Variants in NPAS3 observed in about 807,000 individuals in gnomAD.
The protein encoded by NPAS3 is neuronal PAS domain-containing protein 3.
NPAS3 carries 14 observed loss-of-function variants against 73.1 expected under a neutral mutation model. That is an observed-to-expected ratio of 0.19 (90% CI 0.13 to 0.30). The LOEUF (loss-of-function observed/expected upper bound fraction) is 0.30, where lower values mean the gene tolerates loss of function less well. Among genes scored for constraint, NPAS3 ranks in the 10% least tolerant of loss-of-function variants. The pLI, the probability that NPAS3 is intolerant of heterozygous loss-of-function variation, is 1.00. For missense variants in NPAS3, 1,096 were observed against 1,250.0 expected, an observed-to-expected ratio of 0.88 and a Z score of 1.86; for synonymous variants, 620 against 541.5, an observed-to-expected ratio of 1.14 and a Z score of -2.01.
intron 4 of NPAS3, among the ~76,000 whole-genome samples, chr14:33,530,783 G>A (rs1182564062): frequency 6.6e-6 from 1 of 151,942 alleles, no homozygotes; most frequent in Non-Finnish European, 1.5e-5. Context: ...GGGATGGGAG[G>A]GTGGGAAAAG....
chr14:33,130,911 T>A (rs543310660), intron 2 of NPAS3, among the ~76,000 whole-genome samples: 11 of 152,268 alleles, frequency 7.2e-5, no homozygotes, highest in African/African-American at 2.4e-4. Flanking sequence ...TAAGAAACCT[T>A]CAATTTTTCA....
chr14:33,217,027 A>G (rs79534044), intron 3 of NPAS3, among the ~76,000 whole-genome samples: 10 of 152,236 alleles, frequency 6.6e-5, no homozygotes, highest in Non-Finnish European at 1.5e-4. Context: ...ATTGACACAC[A>G]GTTCCGCATG....
In NPAS3 at chr14:33,544,789, T is replaced by TATATATATATATATATATATATAC. The variant is rs1555409902; in HGVS notation, c.469-15310_469-15309insACATATATATATATATATATATAT. Among the ~76,000 whole-genome samples, 58 of 77,648 alleles carry TATATATATATATATATATATATAC rather than the reference T, an allele frequency of 7.5e-4. 2 individuals are homozygous for TATATATATATATATATATATATAC. Among genetic ancestry groups the TATATATATATATATATATATATAC allele is most frequent in the African/African-American group, 3.5e-3 (52 of 14,732 alleles). 50.9% of individuals were successfully genotyped at this position (77,648 alleles called of 152,430 possible). On this transcript the variant is annotated intron_variant, in intron 4 of 11. Coordinates refer to ENST00000356141, the Ensembl canonical transcript of NPAS3. ...CATGTATGTGTTTATGTGTGTGTAT[T>TATATATATATATATATATATATAC]ATATATATATATATATATATATGTA...
At chr14:33,665,875 C>T (rs1236415021) in intron 5 of NPAS3, among the ~76,000 whole-genome samples, 1 of 151,886 alleles carries the variant, frequency 6.6e-6, no homozygotes, top group African/African-American at 2.4e-5. Context: ...AAAAATCGTC[C>T]ACCATAAACT....
At chr14:33,352,602 G>A (rs1413227166) in intron 3 of NPAS3, among the ~76,000 whole-genome samples, 1 of 152,138 alleles carries the variant, frequency 6.6e-6, no homozygotes, top group Non-Finnish European at 1.5e-5. Flanking sequence ...AGAAATAAAT[G>A]TTTCTGACTC....
chr14:33,148,361 C>G (rs2044322101), intron 2 of NPAS3, among the ~76,000 whole-genome samples: 1 of 151,880 alleles, frequency 6.6e-6, no homozygotes, highest in African/African-American at 2.4e-5. Flanking sequence ...TATTATAAGC[C>G]AACATTACAA....
chr14:33,187,684 G>A (rs2046029275), intron 2 of NPAS3, among the ~76,000 whole-genome samples: 1 of 152,100 alleles, frequency 6.6e-6, no homozygotes, highest in Non-Finnish European at 1.5e-5. Flanking sequence ...TGCAACCTGG[G>A]CAACATAGTG....
chr14:32,972,627 C>G (rs948162834), intron 1 of NPAS3, among the ~76,000 whole-genome samples: 1 of 152,206 alleles, frequency 6.6e-6, no homozygotes, highest in Non-Finnish European at 1.5e-5. Flanking sequence ...CCCCTGCTCA[C>G]CCATTGCTCT....
At chr14:33,518,935 TAATA>T (rs1355252081) in intron 4 of NPAS3, among the ~76,000 whole-genome samples, 2 of 152,154 alleles carry the variant, frequency 1.3e-5, no homozygotes, top group African/African-American at 4.8e-5. Flanking sequence ...TAAACATTTT[TAATA>T]AATAAAGGAA....
intron 2 of NPAS3, among the ~76,000 whole-genome samples, chr14:33,165,419 A>G (rs2045094188): frequency 6.6e-6 from 1 of 152,022 alleles, no homozygotes. Context: ...TGGGGACTAC[A>G]GAGAATTCGT....
At chr14:33,154,607 A>G (rs1490908253) in intron 2 of NPAS3, among the ~76,000 whole-genome samples, 1 of 152,204 alleles carries the variant, frequency 6.6e-6, no homozygotes. Flanking sequence ...TCTTTTCAAG[A>G]TGCTAAGGAT....
chr14:33,591,659 A>G (rs150937773), intron 5 of NPAS3, among the ~76,000 whole-genome samples: 8 of 152,200 alleles, frequency 5.3e-5, no homozygotes, highest in South Asian at 2.1e-4. Flanking sequence ...TGTGTAGGAA[A>G]TTTTCCATCT....
intron 3 of NPAS3, among the ~76,000 whole-genome samples, chr14:33,235,741 A>G (rs2048009352): frequency 6.6e-6 from 1 of 151,458 alleles, no homozygotes; most frequent in South Asian, 2.1e-4. Context: ...CACAGAACCA[A>G]ATGAATCTTT....
At chr14:33,444,024 T>C (rs1295763192) in intron 4 of NPAS3, among the ~76,000 whole-genome samples, 1 of 152,232 alleles carries the variant, frequency 6.6e-6, no homozygotes, top group East Asian at 1.9e-4. Flanking sequence ...AACTATTTAA[T>C]TTGGTACATT....
chr14:32,996,717 T>G (rs1375250462), intron 1 of NPAS3, among the ~76,000 whole-genome samples: 1 of 152,192 alleles, frequency 6.6e-6, no homozygotes, highest in East Asian at 1.9e-4. Context: ...AATCTCCATC[T>G]AGATTTCAGA....
intron 2 of NPAS3, among the ~76,000 whole-genome samples, chr14:33,066,683 G>T (rs1310467972): frequency 6.6e-6 from 1 of 152,178 alleles, no homozygotes; most frequent in Non-Finnish European, 1.5e-5. Context: ...CTGAAACAGA[G>T]ACAGGAGAAT....
At chr14:33,477,933 A>T (rs1218469028) in intron 4 of NPAS3, among the ~76,000 whole-genome samples, 1 of 152,072 alleles carries the variant, frequency 6.6e-6, no homozygotes, top group African/African-American at 2.4e-5. Context: ...GTGCTCCCCA[A>T]ACCTTGCTGT....
intron 5 of NPAS3, among the ~76,000 whole-genome samples, chr14:33,652,387 G>C (rs773064925): frequency 6.6e-6 from 1 of 152,130 alleles, no homozygotes; most frequent in Non-Finnish European, 1.5e-5. Context: ...TGATTATAAT[G>C]AGGCAGTGGT....
intron 7 of NPAS3, among the ~76,000 whole-genome samples, chr14:33,741,287 A>G (rs999098797): frequency 2.0e-5 from 3 of 152,190 alleles, no homozygotes; most frequent in Non-Finnish European, 4.4e-5. Context: ...TGCAAAATGT[A>G]ACTGTCTTGT....
Sources: allele counts gnomAD v4.1 joint callset (sites outside exome capture counted in the v4.1 genomes callset), GRCh38; gene constraint gnomAD v4.1.1; transcripts MANE v1.5; gene names NCBI Gene and HGNC (gene_info 2026-07-23, HGNC 2026-07-21).